Variants in FGD4 observed in about 807,000 individuals in gnomAD.
FGD4 encodes the protein FYVE, RhoGEF and PH domain containing 4, also known as FYVE, RhoGEF and PH domain-containing protein 4.
FGD4 carries 42 observed loss-of-function variants against 102.0 expected under a neutral mutation model. The observed-to-expected ratio is 0.41, with a 90% confidence interval of 0.32 to 0.53. The LOEUF is 0.53. Among genes scored for constraint, FGD4 ranks in the 20% least tolerant of loss-of-function variants. The pLI is 0.21. For missense variants in FGD4, 902 were observed against 1,078.2 expected, an observed-to-expected ratio of 0.84 and a Z score of 2.29; for synonymous variants, 380 against 375.7, an observed-to-expected ratio of 1.01 and a Z score of -0.13.
In FGD4 at chr12:32,537,150, C is replaced by T. The variant is rs552846981; in HGVS notation, c.167-26987C>T. Among the ~76,000 whole-genome samples the T allele has an allele frequency of 2.9e-4, 44 of 152,206 alleles. No homozygotes were observed. In the South Asian group the frequency reaches 8.3e-3, roughly 29 times the overall value. On this transcript the variant is annotated intron_variant, in intron 1 of 16. Transcript: ENST00000534526. ...GTCTCAATCTCCTGATCTCATTATC[C>T]GCCCACCTCGGCCTCCCAAAGTGCT...
intron 1 of FGD4, among the ~76,000 whole-genome samples, chr12:32,436,551 C>T (rs1305174485): frequency 6.6e-6 from 1 of 152,214 alleles, no homozygotes; most frequent in Non-Finnish European, 1.5e-5. Context: ...CCTTGTTTCT[C>T]CCTTGAACCA....
chr12:32,478,067 T>C (rs1483733903), intron 1 of FGD4, among the ~76,000 whole-genome samples: 1 of 152,244 alleles, frequency 6.6e-6, no homozygotes, highest in Non-Finnish European at 1.5e-5. Flanking sequence ...TAATGCCCTG[T>C]GACAACAGTG....
At chr12:32,400,020 C>G in intron 1 of FGD4, 61 bp downstream of exon 1, 1 of 1,404,930 alleles carries the variant, frequency 7.1e-7, no homozygotes, top group Admixed American at 3.2e-5. Context: ...GTGAGGGGCG[C>G]TCCCAGCGCC....
At chr12:32,532,307 C>A (rs1416777393) in intron 1 of FGD4, among the ~76,000 whole-genome samples, 3 of 152,172 alleles carry the variant, frequency 2.0e-5, no homozygotes, top group Non-Finnish European at 4.4e-5. Context: ...TAAAGGGTGA[C>A]TGCTATACCA....
At chr12:32,433,361 C>CT (rs1942117595) in intron 1 of FGD4, among the ~76,000 whole-genome samples, 2 of 149,870 alleles carry the variant, frequency 1.3e-5, no homozygotes. Flanking sequence ...CTTTTTTTTT[C>CT]TTTTTGAGTC....
chr12:32,563,620 A>C (rs12832731), intron 1 of FGD4, among the ~76,000 whole-genome samples: 2 of 152,070 alleles, frequency 1.3e-5, no homozygotes, highest in Non-Finnish European at 2.9e-5. Context: ...AGAGGCTGCA[A>C]TCTCGGCACT....
chr12:32,479,926 C>A (rs1487572870), intron 1 of FGD4, among the ~76,000 whole-genome samples: 1 of 149,708 alleles, frequency 6.7e-6, no homozygotes, highest in Non-Finnish European at 1.5e-5. Context: ...GTAACTGGGA[C>A]CACACATGCG....
At chr12:32,461,945 T>C (rs893858310) in intron 1 of FGD4, among the ~76,000 whole-genome samples, 1 of 152,162 alleles carries the variant, frequency 6.6e-6, no homozygotes, top group Non-Finnish European at 1.5e-5. Flanking sequence ...CATGCTGGTC[T>C]TGAACTTCTG....
intron 8 of FGD4, among the ~76,000 whole-genome samples, chr12:32,608,372 T>A (rs1257294420): frequency 2.0e-5 from 3 of 152,202 alleles, no homozygotes; most frequent in Non-Finnish European, 4.4e-5. Context: ...ACATCTAGAA[T>A]AGCAATACAC....
chr12:32,578,716 G>A (rs1484547539), intron 3 of FGD4, among the ~76,000 whole-genome samples: 1 of 151,976 alleles, frequency 6.6e-6, no homozygotes, highest in Admixed American at 6.6e-5. Flanking sequence ...TGTGGTCCCA[G>A]CTACTTGGGA....
At chr12:32,470,784 C>G (rs540801635) in intron 1 of FGD4, among the ~76,000 whole-genome samples, 2 of 152,200 alleles carry the variant, frequency 1.3e-5, no homozygotes, top group East Asian at 3.9e-4. Context: ...CTCTTCCCAC[C>G]AATTGTTTGG....
At chr12:32,582,625 C>G (rs1946708315) in intron 4 of FGD4, 158 bp downstream of exon 4, 1 of 883,014 alleles carries the variant, frequency 1.1e-6, no homozygotes, top group African/African-American at 1.7e-5. Context: ...AGCATTTCCC[C>G]TATGCTCTAA....
In FGD4 at chr12:32,422,385, G is replaced by A. The variant is rs895837004; in HGVS notation, c.166+22426G>A. Among the ~76,000 whole-genome samples the A allele has an allele frequency of 2.4e-5, 3 of 126,026 alleles. No homozygotes were observed. The South Asian group carries it at 8.5e-4, about 36-fold the overall frequency. 82.7% of individuals were successfully genotyped at this position (126,026 alleles called of 152,430 possible). A position where few individuals can be genotyped will look rare whatever the true frequency, so the allele number is the denominator to read the frequency against. On this transcript the variant is annotated intron_variant, in intron 1 of 16. Transcript: ENST00000534526. ...GGGATCTCGGTTCACTACAAGCTCC[G>A]CTTCCCGAGTTCACGCCATTCTCCT...
At chr12:32,575,314 A>G (rs73081434) in intron 2 of FGD4, among the ~76,000 whole-genome samples, 21,008 of 152,162 alleles carry the variant, frequency 0.14, 1,636 homozygotes, top group Middle Eastern at 0.22. Flanking sequence ...TTCTGGTGAG[A>G]GCCTCAGGCT....
chr12:32,621,559 G>A (rs143571287), intron 11 of FGD4, among the ~76,000 whole-genome samples: 247 of 152,322 alleles, frequency 1.6e-3, no homozygotes, highest in African/African-American at 5.6e-3. Context: ...ATTTTAAAAA[G>A]AGAAATCATT....
intron 1 of FGD4, among the ~76,000 whole-genome samples, chr12:32,408,698 CT>C (rs1941062748): frequency 6.6e-6 from 1 of 152,214 alleles, no homozygotes; most frequent in Non-Finnish European, 1.5e-5. Context: ...TTCTTTTGGA[CT>C]GGCTTGTGTT....
chr12:32,411,510 G>T (rs959360335), intron 1 of FGD4, among the ~76,000 whole-genome samples: 11 of 151,952 alleles, frequency 7.2e-5, no homozygotes, highest in Admixed American at 3.9e-4. Context: ...CTCCAGCCTG[G>T]GCGACAGAGC....
chr12:32,641,616 G>A lies in FGD4; in HGVS notation c.*1083G>A, dbSNP rs917194103. The A allele has an allele frequency of 2.6e-5, 4 of 152,146 alleles. No individual in the cohort carries two copies. The highest frequency in any genetic ancestry group is 5.9e-5 in the Non-Finnish European group (4 of 68,020). 9.4% of individuals were successfully genotyped at this position (152,146 alleles called of 1,614,324 possible). The stretch of plus-strand genomic sequence containing the variant: ...TTTCACCAAAACCCAAACTTTATGA[G>A]ACACCTGACCTTTTACAGAACTAGG... On this transcript the variant is annotated 3_prime_UTR_variant, in exon 17 of 17. Coordinates refer to ENST00000534526, the MANE Select transcript of FGD4 (RefSeq NM_001370298.3).
rs186942066 is a variant in FGD4 at position 32,598,624 on chromosome 12, C to T, written c.1101+38C>T. ...TTCTCAGAATTATTTTATATTTTGG[C>T]ATTATACATCATTTTAACCTAGTAA... On this transcript the variant is annotated intron_variant, in intron 5 of 16. Transcript: ENST00000534526. 181 of 1,502,464 alleles carry T rather than the reference C, an allele frequency of 1.2e-4. 1 individual carries two copies. The African/African-American group carries it at 2.2e-3, about 19-fold the overall frequency. The allele number at this position is 1,502,464 out of a possible 1,614,324, so 93.1% of individuals were successfully genotyped here. A position where few individuals can be genotyped will look rare whatever the true frequency, so the allele number is the denominator to read the frequency against.
Sources: gnomAD v4.1 joint callset for allele counts (sites outside exome capture counted in the v4.1 genomes callset) on GRCh38, gnomAD v4.1.1 for gene constraint, MANE v1.5 for transcripts, NCBI Gene and HGNC (gene_info 2026-07-23, HGNC 2026-07-21) for gene names.